The following ZBBX variants were observed in gnomAD, a reference collection of about 807,000 sequenced individuals.
The protein encoded by ZBBX is zinc finger B-box domain containing.
In ZBBX, 101 loss-of-function variants were observed where a neutral mutation model predicts 108.5. The observed-to-expected ratio is 0.93, with a 90% CI of 0.79 to 1.10. The LOEUF is 1.10. Among genes scored for constraint, ZBBX ranks in the 50% least tolerant of loss-of-function variants. ZBBX has a pLI of 0.00. For missense variants in ZBBX, 1,009 were observed against 941.4 expected, an observed-to-expected ratio of 1.07 and a Z score of -0.94; for synonymous variants, 356 against 323.4, an observed-to-expected ratio of 1.10 and a Z score of -1.08.
At chr3:167,312,295 A>C (rs1056165095) in intron 16 of ZBBX, among the ~76,000 whole-genome samples, 1 of 152,224 alleles carries the variant, frequency 6.6e-6, no homozygotes, top group African/African-American at 2.4e-5. Flanking sequence ...AGGGATAAAC[A>C]GGTGGGGCAC....
chr3:167,339,587 C>T (rs1300796298), intron 9 of ZBBX, among the ~76,000 whole-genome samples: 1 of 152,110 alleles, frequency 6.6e-6, no homozygotes, highest in African/African-American at 2.4e-5. Context: ...GAGTGGCCTT[C>T]TCCTAGCCCT....
chr3:167,211,627 C>T, the ZBBX span, among the ~76,000 whole-genome samples: 1 of 151,622 alleles, frequency 6.6e-6, no homozygotes, highest in African/African-American at 2.4e-5. Flanking sequence ...GTACCTGAAC[C>T]ATTCCAGCCT....
intron 1 of ZBBX, among the ~76,000 whole-genome samples, chr3:167,393,829 C>T (rs543818549): frequency 2.0e-5 from 3 of 151,726 alleles, no homozygotes; most frequent in Admixed American, 6.6e-5. Flanking sequence ...GAGCTAAAGC[C>T]GCGTAACCTT....
intron 20 of ZBBX, among the ~76,000 whole-genome samples, chr3:167,253,720 T>C (rs1193774933): frequency 3.9e-5 from 6 of 151,910 alleles, no homozygotes; most frequent in African/African-American, 2.4e-5. Context: ...AGATGGAAGG[T>C]AGGAACAAAG....
chr3:167,182,729 G>A, the ZBBX span, among the ~76,000 whole-genome samples: 1 of 152,182 alleles, frequency 6.6e-6, no homozygotes, highest in African/African-American at 2.4e-5. Flanking sequence ...GCAAGCTTGA[G>A]TAAGAGTGTC....
At chr3:167,210,690 T>C in the ZBBX span, among the ~76,000 whole-genome samples, 1 of 152,076 alleles carries the variant, frequency 6.6e-6, no homozygotes, top group Non-Finnish European at 1.5e-5. Context: ...GGAGCTCCAA[T>C]ACATCTGGCA....
downstream of ZBBX, among the ~76,000 whole-genome samples, chr3:167,238,543 T>C (rs937709503): frequency 6.6e-6 from 1 of 152,056 alleles, no homozygotes; most frequent in Non-Finnish European, 1.5e-5. Context: ...AGTTTATTAA[T>C]GCCACAGAAA....
chr3:167,338,818 G>A (rs369458157), intron 9 of ZBBX, among the ~76,000 whole-genome samples: 3 of 152,232 alleles, frequency 2.0e-5, no homozygotes, highest in South Asian at 4.2e-4. Flanking sequence ...AAAAAATTGT[G>A]TTATAGCAGA....
intron 6 of ZBBX, among the ~76,000 whole-genome samples, chr3:167,364,776 A>C (rs747113454): frequency 1.1e-4 from 16 of 152,006 alleles, no homozygotes; most frequent in East Asian, 1.9e-4. Flanking sequence ...ACACCTCTCT[A>C]TGTTTTACAA....
At chr3:167,229,180 G>T in the ZBBX span, among the ~76,000 whole-genome samples, 4 of 151,766 alleles carry the variant, frequency 2.6e-5, no homozygotes, top group Non-Finnish European at 1.5e-5. Context: ...GACAATGGAT[G>T]CCCTCTTCAT....
intron 8 of ZBBX, among the ~76,000 whole-genome samples, chr3:167,357,661 A>G (rs1743809053): frequency 1.3e-5 from 2 of 152,218 alleles, no homozygotes; most frequent in African/African-American, 4.8e-5. Context: ...ATACAAAGGA[A>G]TATTATTCAG....
chr3:167,184,715 G>T, the ZBBX span, among the ~76,000 whole-genome samples: 1 of 152,176 alleles, frequency 6.6e-6, no homozygotes, highest in South Asian at 2.1e-4. Flanking sequence ...AGCAGTACCA[G>T]CAGGAACCAG....
upstream of ZBBX, among the ~76,000 whole-genome samples, chr3:167,383,822 A>ACCTAT (rs1747821600): frequency 6.6e-6 from 1 of 152,130 alleles, no homozygotes; most frequent in East Asian, 1.9e-4. Context: ...ACAAAGGTGA[A>ACCTAT]CAAAGACACC....
At chr3:167,313,675 G>A (rs1339327807) in intron 16 of ZBBX, among the ~76,000 whole-genome samples, 1 of 152,104 alleles carries the variant, frequency 6.6e-6, no homozygotes, top group East Asian at 1.9e-4. Flanking sequence ...GAGAGCAAGA[G>A]GGTGCCAGTC....
chr3:167,364,615 T>G (rs1745047141), intron 6 of ZBBX, among the ~76,000 whole-genome samples: 1 of 151,920 alleles, frequency 6.6e-6, no homozygotes, highest in Admixed American at 6.6e-5. Context: ...TAACATCCTC[T>G]TAGGAGTGAT....
intron 17 of ZBBX, among the ~76,000 whole-genome samples, chr3:167,304,702 C>T (rs4629333): frequency 0.82 from 124,506 of 152,044 alleles, 51,376 homozygotes; most frequent in African/African-American, 0.93. Context: ...CCAGGTGAAA[C>T]GTTTTATTGG....
At chr3:167,348,299 A>G (rs62279781) in intron 9 of ZBBX, among the ~76,000 whole-genome samples, 224 of 82,684 alleles carry the variant, frequency 2.7e-3, no homozygotes, top group East Asian at 0.013. Context: ...AGGAAAGAAG[A>G]AAGAGAGAAA....
At chr3:167,208,094 T>A in the ZBBX span, among the ~76,000 whole-genome samples, 1 of 152,172 alleles carries the variant, frequency 6.6e-6, no homozygotes, top group East Asian at 1.9e-4. Flanking sequence ...ACTCAGCCAG[T>A]GCCCATGAAG....
intron 6 of ZBBX, among the ~76,000 whole-genome samples, chr3:167,365,120 C>T (rs1318074405): frequency 6.6e-6 from 1 of 151,584 alleles, no homozygotes; most frequent in Admixed American, 6.6e-5. Flanking sequence ...ATTGATTTTT[C>T]CCTAAGATAG....
Sources: gnomAD v4.1 joint callset for allele counts (sites outside exome capture counted in the v4.1 genomes callset) on GRCh38, gnomAD v4.1.1 for gene constraint, MANE v1.5 for transcripts, NCBI Gene and HGNC (gene_info 2026-07-23, HGNC 2026-07-21) for gene names.